Variants in PDE4D observed in about 807,000 individuals in gnomAD.
PDE4D encodes the protein 3',5'-cyclic-AMP phosphodiesterase 4D.
A neutral mutation model predicts 87.4 loss-of-function variants in PDE4D; 24 were observed. That is an observed-to-expected ratio of 0.27 (90% CI 0.20 to 0.39). The LOEUF (loss-of-function observed/expected upper bound fraction) is 0.39, where lower values mean the gene tolerates loss of function less well. Ranked by LOEUF, PDE4D falls within the 10% of genes least tolerant of loss-of-function variation. The pLI is 1.00. For synonymous variants in PDE4D, 384 were observed against 383.2 expected (o/e 1.00, Z -0.02); for missense variants, 714 against 1,041.0 (o/e 0.69, Z 4.32).
intron 1 of PDE4D, among the ~76,000 whole-genome samples, chr5:59,653,310 A>C (rs1373801488): frequency 4.6e-5 from 7 of 151,286 alleles, no homozygotes; most frequent in Non-Finnish European, 1.0e-4. Flanking sequence ...AGGTTAAAGC[A>C]ATTATGCCTT....
rs185989734 is a variant in PDE4D at position 60,395,174 on chromosome 5, C to A, written c.-90+92768G>T. 2.5e-3 allele frequency among the ~76,000 whole-genome samples: 386 copies of A among 152,258 alleles called. 2 individuals carry two copies. The highest frequency in any genetic ancestry group is 9.0e-3 in the African/African-American group (372 of 41,546). ...GATGCTGAGTTGCATAAACCACCCC[C>A]CTCCACCACTGAGTTACAAAAATAA... On this transcript the variant is annotated intron_variant, in intron 1 of 16. Transcript: ENST00000502484.
intron 1 of PDE4D, among the ~76,000 whole-genome samples, chr5:60,251,707 A>G (rs1748482837): frequency 6.6e-6 from 1 of 151,948 alleles, no homozygotes; most frequent in South Asian, 2.1e-4. Flanking sequence ...TAATAGAATG[A>G]TTTATATTCC....
At chr5:59,433,723 G>A (rs2153632903) in intron 1 of PDE4D, among the ~76,000 whole-genome samples, 1 of 152,064 alleles carries the variant, frequency 6.6e-6, no homozygotes, top group Middle Eastern at 3.4e-3. Flanking sequence ...ATAGAGTCTA[G>A]CAAAAATCTC....
chr5:59,189,942 G>T (rs13169163), intron 3 of PDE4D, among the ~76,000 whole-genome samples: 116 of 152,332 alleles, frequency 7.6e-4, no homozygotes, highest in Non-Finnish European at 1.1e-3. Flanking sequence ...ATAAACTATG[G>T]AGAGATACTA....
At chr5:60,162,484 G>A (rs1027669599) in intron 2 of PDE4D, among the ~76,000 whole-genome samples, 1 of 152,066 alleles carries the variant, frequency 6.6e-6, no homozygotes, top group Non-Finnish European at 1.5e-5. Context: ...GAGTTGTTTG[G>A]AGGTTTTGTG....
chr5:59,510,406 A>G (rs192025837), intron 1 of PDE4D, among the ~76,000 whole-genome samples: 385 of 151,786 alleles, frequency 2.5e-3, no homozygotes, highest in Non-Finnish European at 4.6e-3. Context: ...AAAAACAAAC[A>G]TGAATATACT....
intron 1 of PDE4D, among the ~76,000 whole-genome samples, chr5:59,590,651 G>T (rs982108328): frequency 4.6e-5 from 7 of 152,134 alleles, no homozygotes; most frequent in African/African-American, 1.7e-4. Context: ...AGTCCCTGCA[G>T]CTATGGCATA....
At chr5:60,495,158 C>A (rs26956) in intron 1 of PDE4D, among the ~76,000 whole-genome samples, 35,218 of 152,154 alleles carry the variant, frequency 0.23, 4,953 homozygotes, top group South Asian at 0.45. Flanking sequence ...CATGGAGATA[C>A]ATTTGCAATC....
intron 1 of PDE4D, among the ~76,000 whole-genome samples, chr5:60,395,700 C>A: frequency 6.7e-6 from 1 of 149,388 alleles, no homozygotes; most frequent in Non-Finnish European, 1.5e-5. Flanking sequence ...CTTTCTTTTT[C>A]AAAATACAAT....
chr5:59,705,620 C>T (rs529135097), intron 1 of PDE4D, among the ~76,000 whole-genome samples: 77 of 152,232 alleles, frequency 5.1e-4, no homozygotes, highest in Middle Eastern at 6.8e-3. Context: ...GCTTTTAGCA[C>T]CTTACTTAAA....
intron 1 of PDE4D, among the ~76,000 whole-genome samples, chr5:59,593,707 G>A (rs1408474607): frequency 6.6e-6 from 1 of 152,190 alleles, no homozygotes; most frequent in African/African-American, 2.4e-5. Flanking sequence ...AAACCTCCAA[G>A]AGAACCAGTG....
At chr5:60,375,170 G>T (rs1761337920) in intron 1 of PDE4D, among the ~76,000 whole-genome samples, 1 of 151,956 alleles carries the variant, frequency 6.6e-6, no homozygotes, top group African/African-American at 2.4e-5. Flanking sequence ...ACATTTCCTA[G>T]AATTCATTTT....
At chr5:60,520,713 T>C (rs1750999499) in intron 1 of PDE4D, among the ~76,000 whole-genome samples, 1 of 152,230 alleles carries the variant, frequency 6.6e-6, no homozygotes, top group South Asian at 2.1e-4. Flanking sequence ...TTGGGCACTA[T>C]TCACAGACCA....
intron 1 of PDE4D, among the ~76,000 whole-genome samples, chr5:59,319,466 ATTTGCTCACAGTCTGCAGACT>A (rs1403986612): frequency 3.3e-5 from 5 of 152,240 alleles, no homozygotes; most frequent in Middle Eastern, 3.4e-3. Context: ...GGAAACAGAC[ATTTGCTCACAGTCTGCAGACT>A]TTGGCTCAGC....
intron 6 of PDE4D, among the ~76,000 whole-genome samples, chr5:59,009,117 T>A (rs1752251724): frequency 6.6e-6 from 1 of 152,126 alleles, no homozygotes; most frequent in Admixed American, 6.6e-5. Context: ...TCTCATACAT[T>A]GCTAGTGAGA....
intron 1 of PDE4D, among the ~76,000 whole-genome samples, chr5:59,394,990 G>A (rs144515065): frequency 0.42 from 63,565 of 151,646 alleles, 13,629 homozygotes; most frequent in East Asian, 0.49. Context: ...TGGAGAATCG[G>A]GTCACTCCCA....
rs202053816 is a variant in PDE4D, at chr5:59,132,959, A to T, written c.808+47636T>A. Among the ~76,000 whole-genome samples the T allele has an allele frequency of 2.6e-5, 4 of 152,358 alleles. No individual in the cohort carries two copies. In the East Asian group the frequency reaches 7.7e-4, roughly 29 times the overall value. On this transcript the variant is annotated intron_variant, in intron 5 of 14. Transcript: ENST00000340635. ...GGATTTCTTTATTTCTTTTGCTAAC[A>T]TTAGCATTATGACCAGTGTATGTCA...
chr5:59,683,252 G>T (rs141848776), intron 1 of PDE4D, among the ~76,000 whole-genome samples: 187 of 152,284 alleles, frequency 1.2e-3, no homozygotes, highest in African/African-American at 4.3e-3. Context: ...CAGAAAGGTA[G>T]ATATGAGAGA....
At chr5:59,924,950 C>T (rs1456928658) in intron 3 of PDE4D, among the ~76,000 whole-genome samples, 1 of 151,904 alleles carries the variant, frequency 6.6e-6, no homozygotes, top group Non-Finnish European at 1.5e-5. Flanking sequence ...CTGAAGCGGG[C>T]AGATCACGAG....
Sources: allele counts gnomAD v4.1 joint callset (sites outside exome capture counted in the v4.1 genomes callset), GRCh38; gene constraint gnomAD v4.1.1; transcripts MANE v1.5; gene names NCBI Gene and HGNC (gene_info 2026-07-23, HGNC 2026-07-21).